GRHL2: variants seen among roughly 807,000 people sequenced by gnomAD.
The protein encoded by GRHL2 is grainyhead-like protein 2 homolog.
A neutral mutation model predicts 83.8 loss-of-function variants in GRHL2; 21 were observed. The ratio of observed to expected loss-of-function variants is 0.25; its 90% CI spans 0.18 to 0.36. The LOEUF is 0.36. GRHL2 is among the 10% of genes least tolerant of loss of function. The pLI is 1.00. For synonymous variants in GRHL2, 280 were observed against 278.9 expected, an observed-to-expected ratio of 1.00 and a Z score of -0.04; for missense variants, 623 against 781.8, an observed-to-expected ratio of 0.80 and a Z score of 2.42.
chr8:101,629,188 T>C (rs906626480), intron 9 of GRHL2, among the ~76,000 whole-genome samples: 1 of 152,104 alleles, frequency 6.6e-6, no homozygotes, highest in Non-Finnish European at 1.5e-5. Context: ...TGTAAGAAAT[T>C]GTTACAGCCA....
intron 2 of GRHL2, among the ~76,000 whole-genome samples, chr8:101,550,973 A>G (rs1227295935): frequency 6.6e-6 from 1 of 152,162 alleles, no homozygotes; most frequent in African/African-American, 2.4e-5. Flanking sequence ...ATTCCGTTGT[A>G]TGGCCATGTC....
chr8:101,641,780 A>G (rs1395243927), intron 12 of GRHL2, among the ~76,000 whole-genome samples: 1 of 152,124 alleles, frequency 6.6e-6, no homozygotes, highest in Non-Finnish European at 1.5e-5. Context: ...GTATCTGTGG[A>G]AGATTGGCCT....
chr8:101,673,198 T>A (rs1317675278), downstream of GRHL2, among the ~76,000 whole-genome samples: 1 of 151,408 alleles, frequency 6.6e-6, no homozygotes, highest in Non-Finnish European at 1.5e-5. Flanking sequence ...AATTCACACA[T>A]AACAATATTA....
At chr8:101,547,416 G>A (rs1195651256) in intron 2 of GRHL2, among the ~76,000 whole-genome samples, 1 of 152,156 alleles carries the variant, frequency 6.6e-6, no homozygotes, top group Non-Finnish European at 1.5e-5. Flanking sequence ...CACCCCTGTG[G>A]GGACAGTCAT....
chr8:101,581,884 A>G (rs185974710), intron 7 of GRHL2, among the ~76,000 whole-genome samples: 1 of 152,302 alleles, frequency 6.6e-6, no homozygotes, highest in Admixed American at 6.5e-5. Flanking sequence ...TCAAAAAGGT[A>G]GGAAGGGTGC....
chr8:101,505,403 C>A (rs1182946648), intron 1 of GRHL2, among the ~76,000 whole-genome samples: 2 of 151,836 alleles, frequency 1.3e-5, no homozygotes, highest in East Asian at 1.9e-4. Context: ...CATGAAGAAA[C>A]CCCATCTCTA....
intron 3 of GRHL2, among the ~76,000 whole-genome samples, chr8:101,556,553 G>A (rs1423850153): frequency 6.6e-6 from 1 of 152,138 alleles, no homozygotes; most frequent in Non-Finnish European, 1.5e-5. Flanking sequence ...TAGTATAGAT[G>A]AAAGTATTTT....
intron 14 of GRHL2, among the ~76,000 whole-genome samples, chr8:101,656,645 G>T (rs148051034): frequency 9.0e-4 from 137 of 152,288 alleles, no homozygotes; most frequent in African/African-American, 3.2e-3. Context: ...TGAGCTGGGC[G>T]AGTTACTCAA....
chr8:101,657,158 A>G (rs1416048885), intron 14 of GRHL2, among the ~76,000 whole-genome samples: 1 of 152,170 alleles, frequency 6.6e-6, no homozygotes, highest in Non-Finnish European at 1.5e-5. Flanking sequence ...ATTTACAAGC[A>G]AGAGTCCACT....
chr8:101,573,548 T>G lies in GRHL2; in HGVS notation c.735-120T>G, dbSNP rs149364693. ...CATCTCTTTTGCCATATGCTGTGTT[T>G]TGTCTCTAAAACAGTAAACATTGGT... is the stretch of plus-strand genomic sequence containing the variant. On this transcript the variant is annotated intron_variant, in intron 5 of 15. Coordinates refer to ENST00000646743, the MANE Select transcript of GRHL2 (RefSeq NM_024915.4). 1,519 of 1,231,508 alleles carry G rather than the reference T, an allele frequency of 1.2e-3. 1 individual carries two copies. Among genetic ancestry groups the G allele is most frequent in the Middle Eastern group, 5.3e-3 (20 of 3,744 alleles). 76.3% of individuals were successfully genotyped at this position (1,231,508 alleles called of 1,614,324 possible). A position where few individuals can be genotyped will look rare whatever the true frequency, so the allele number is the denominator to read the frequency against.
chr8:101,663,413 A>G (rs1432667079), intron 14 of GRHL2, among the ~76,000 whole-genome samples: 1 of 152,044 alleles, frequency 6.6e-6, no homozygotes, highest in Non-Finnish European at 1.5e-5. Flanking sequence ...GGAGTTCGAG[A>G]CCAGCCTGGC....
Position 101,498,534 on chromosome 8 carries a change from T to A in GRHL2, c.20+5745T>A, listed in dbSNP as rs76619801. ...TCTCTGGTGAAATGATTTGATAGGA[T>A]GATGATTGCAGTTTCATTTCTAAGG... On this transcript the variant is annotated intron_variant, in intron 1 of 15. Transcript: ENST00000646743. 1.9e-4 allele frequency among the ~76,000 whole-genome samples: 29 copies of A among 152,306 alleles called. 1 individual carries two copies. In the East Asian group the frequency reaches 5.0e-3, roughly 26 times the overall value.
chr8:101,584,104 T>C (rs539582740), intron 7 of GRHL2, among the ~76,000 whole-genome samples: 18 of 152,342 alleles, frequency 1.2e-4, no homozygotes, highest in African/African-American at 3.8e-4. Context: ...TGAAATAAAC[T>C]GTATGCTCTT....
chr8:101,658,066 A>G (rs1463893577), intron 14 of GRHL2, among the ~76,000 whole-genome samples: 1 of 152,248 alleles, frequency 6.6e-6, no homozygotes, highest in Non-Finnish European at 1.5e-5. Context: ...CTCACTTTCC[A>G]GGGTTCTGAA....
chr8:101,523,492 AG>A (rs1810735588), intron 1 of GRHL2, among the ~76,000 whole-genome samples: 7 of 144,992 alleles, frequency 4.8e-5, no homozygotes, highest in South Asian at 2.2e-4. Flanking sequence ...TTTTTTTTTA[AG>A]GGGGGTGGGG....
At chr8:101,640,683 T>C (rs1563620846) in intron 12 of GRHL2, among the ~76,000 whole-genome samples, 1 of 152,180 alleles carries the variant, frequency 6.6e-6, no homozygotes, top group African/African-American at 2.4e-5. Context: ...GTCCTCTTTT[T>C]CCAGCTTGCA....
At chr8:101,600,597 G>A (rs551644479) in intron 8 of GRHL2, among the ~76,000 whole-genome samples, 72 of 152,190 alleles carry the variant, frequency 4.7e-4, no homozygotes, top group Non-Finnish European at 9.3e-4. Flanking sequence ...TCTGTGTGAC[G>A]GCACAGGACT....
chr8:101,635,858 C>T (rs1339154104), intron 11 of GRHL2, among the ~76,000 whole-genome samples: 1 of 152,176 alleles, frequency 6.6e-6, no homozygotes, highest in East Asian at 1.9e-4. Context: ...GGTAACCAGT[C>T]TTGTTTTGTA....
chr8:101,673,309 C>T (rs1053598454), downstream of GRHL2, among the ~76,000 whole-genome samples: 10 of 152,018 alleles, frequency 6.6e-5, no homozygotes. Context: ...GGAAACCCAT[C>T]TCACGTGCAG....
Sources: gnomAD v4.1 joint callset for allele counts (sites outside exome capture counted in the v4.1 genomes callset) on GRCh38, gnomAD v4.1.1 for gene constraint, MANE v1.5 for transcripts, NCBI Gene and HGNC (gene_info 2026-07-23, HGNC 2026-07-21) for gene names.